ZNF324B: variants seen among roughly 807,000 people sequenced by gnomAD.
ZNF324B encodes the protein zinc finger protein 324B.
A neutral mutation model predicts 10.6 loss-of-function variants in ZNF324B; 7 were observed. The ratio of observed to expected loss-of-function variants is 0.66; its 90% CI spans 0.38 to 1.24. ZNF324B has a LOEUF of 1.24. Ranked by LOEUF, ZNF324B falls within the 50% of genes most tolerant of loss-of-function variation. The pLI is 0.02. For synonymous variants in ZNF324B, 316 were observed against 321.0 expected (o/e 0.98, Z 0.17); for missense variants, 640 against 764.7 (o/e 0.84, Z 1.92).
At chr19:58,438,833 C>T in the ZNF324B span, among the ~76,000 whole-genome samples, 16 of 151,358 alleles carry the variant, frequency 1.1e-4, no homozygotes, top group East Asian at 1.9e-4. Context: ...CGCAGTGGCA[C>T]GATCTCAGCT....
the ZNF324B span, chr19:58,443,445 T>G: frequency 1.3e-5 from 2 of 152,326 alleles, no homozygotes; most frequent in Non-Finnish European, 2.9e-5. Context: ...CCCTGGGATC[T>G]TGACAACCTT....
chr19:58,433,817 A>G, the ZNF324B span: 294 of 1,614,194 alleles, frequency 1.8e-4, no homozygotes, highest in Non-Finnish European at 2.4e-4. Context: ...CTACACTCGT[A>G]AGGCTTTTCT....
chr19:58,425,098 C>CA, the ZNF324B span, among the ~76,000 whole-genome samples: 462 of 151,700 alleles, frequency 3.0e-3, 4 homozygotes, highest in African/African-American at 0.011. Flanking sequence ...ACTAAAAATA[C>CA]AAAAAAAATC....
At chr19:58,433,485 C>A in the ZNF324B span, 238 of 1,613,992 alleles carry the variant, frequency 1.5e-4, 1 homozygote, top group Non-Finnish European at 1.9e-4. Context: ...ACTCATAGGG[C>A]CTTTCTTGTG....
chr19:58,435,440 G>A, the ZNF324B span: 26 of 489,918 alleles, frequency 5.3e-5, no homozygotes, highest in Non-Finnish European at 7.6e-5. Context: ...CACAGAAATG[G>A]GTCAAAGGAC....
chr19:58,427,353 T>TTTCTTTCTTTCTTTCTTTCTCTTTC, the ZNF324B span, among the ~76,000 whole-genome samples: 43 of 56,036 alleles, frequency 7.7e-4, no homozygotes, highest in East Asian at 2.3e-3. Context: ...CTCTTTCCTT[T>TTTCTTTCTTTCTTTCTTTCTCTTTC]CTTTCTTTCT....
At chr19:58,425,256 A>C in the ZNF324B span, among the ~76,000 whole-genome samples, 1 of 107,420 alleles carries the variant, frequency 9.3e-6, no homozygotes, top group African/African-American at 3.9e-5. Flanking sequence ...ACTCCATCTC[A>C]AAAAAAAAAA....
At chr19:58,442,348 G>C in the ZNF324B span, 1 of 144,962 alleles carries the variant, frequency 6.9e-6, no homozygotes, top group Non-Finnish European at 1.5e-5. Context: ...TTTTTTTTTT[G>C]TATTTTTAGT....
Position 58,454,305 on chromosome 19 carries a change from A to C in ZNF324B, c.199A>C (p.Met67Leu), listed in dbSNP as rs780532408. Reference protein sequence around the residue: ...EEPWVPSGKDMTLARNTYGRL... With the variant: ...EEPWVPSGKDLTLARNTYGRL... ...GCCCTGGGTTCCCAGTGGAAAGGAC[A>C]TGACCCTGGCCAGGAACACCTACGG... is the stretch of plus-strand genomic sequence containing the variant. The change falls in exon 3 of 4, where the codon ATG (methionine) becomes CTG (leucine). Residue 67 changes from methionine to leucine, a missense_variant. Met to Leu is a conservative substitution (Grantham distance 15). Around this residue, in one of 3 missense-constraint regions of ZNF324B, gnomAD observed 345 missense variants for 387.9 expected, o/e 0.89. Coordinates refer to ENST00000336614, the MANE Select transcript of ZNF324B (RefSeq NM_207395.3). 6.2e-7 allele frequency: 1 copy of C among 1,614,144 alleles called. No homozygotes were observed. The highest frequency in any genetic ancestry group is 1.7e-5 in the Admixed American group (1 of 60,022).
At chr19:58,451,792 G>A (rs1326348662) in intron 1 of ZNF324B, 88 bp downstream of exon 1, 1 of 308,734 alleles carries the variant, frequency 3.2e-6, no homozygotes. Flanking sequence ...GGGCCCCGGC[G>A]GGAACCACGC....
the ZNF324B span, among the ~76,000 whole-genome samples, chr19:58,423,601 C>G: frequency 1.3e-5 from 2 of 152,082 alleles, no homozygotes; most frequent in Non-Finnish European, 2.9e-5. Flanking sequence ...AAAAAGAGCC[C>G]AAGTAGCCAA....
At chr19:58,434,189 TGA>T in the ZNF324B span, 1 of 1,614,206 alleles carries the variant, frequency 6.2e-7, no homozygotes, top group Non-Finnish European at 8.5e-7. Context: ...CAGTGCTGAA[TGA>T]GAGCAGAGCT....
chr19:58,428,346 A>G, the ZNF324B span, among the ~76,000 whole-genome samples: 2 of 152,344 alleles, frequency 1.3e-5, no homozygotes, highest in East Asian at 3.9e-4. Context: ...ATGATTTTCA[A>G]CATTTATAAA....
the ZNF324B span, chr19:58,436,908 C>A: frequency 8.5e-7 from 1 of 1,173,068 alleles, no homozygotes; most frequent in South Asian, 1.2e-5. Flanking sequence ...ACAGCAGAAC[C>A]TCAGCACCCC....
the ZNF324B span, chr19:58,437,074 C>T: frequency 6.2e-7 from 1 of 1,614,142 alleles, no homozygotes; most frequent in East Asian, 2.2e-5. Context: ...TCAAGGTTTT[C>T]CAGCATCACA....
chr19:58,433,481 A>G, the ZNF324B span: 15 of 1,614,030 alleles, frequency 9.3e-6, no homozygotes, highest in African/African-American at 9.3e-5. Context: ...ATGCACTCAT[A>G]GGGCCTTTCT....
At chr19:58,425,761 A>G in the ZNF324B span, among the ~76,000 whole-genome samples, 1 of 152,324 alleles carries the variant, frequency 6.6e-6, no homozygotes, top group African/African-American at 2.4e-5. Context: ...ATGAGCCACC[A>G]TGCCCAGCCT....
the ZNF324B span, among the ~76,000 whole-genome samples, chr19:58,426,813 C>T: frequency 6.6e-6 from 1 of 152,204 alleles, no homozygotes; most frequent in African/African-American, 2.4e-5. Context: ...CCATTGCATA[C>T]AGCAGAGTGT....
the ZNF324B span, chr19:58,437,011 T>A: frequency 8.7e-6 from 14 of 1,613,914 alleles, no homozygotes; most frequent in South Asian, 1.4e-4. Flanking sequence ...ACACAAGGCA[T>A]AAGGTAGTCA....
Sources: gnomAD v4.1 joint callset for allele counts (sites outside exome capture counted in the v4.1 genomes callset) on GRCh38, gnomAD v4.1.1 for gene constraint, gnomAD v4.1.1 regional missense constraint, MANE v1.5 for transcripts, NCBI Gene and HGNC (gene_info 2026-07-23, HGNC 2026-07-21) for gene names.